SGCD: variants seen among roughly 807,000 people sequenced by gnomAD.
SGCD encodes the protein delta-sarcoglycan.
In SGCD, 18 loss-of-function variants were observed where a neutral mutation model predicts 36.6. The ratio of observed to expected loss-of-function variants is 0.49; its 90% CI spans 0.34 to 0.73. The LOEUF (loss-of-function observed/expected upper bound fraction) is 0.73. SGCD is among the 30% of genes least tolerant of loss of function. The pLI, the probability that SGCD is intolerant of heterozygous loss-of-function variation, is 0.01. For synonymous variants in SGCD, 133 were observed against 130.6 expected (o/e 1.02, Z -0.12); for missense variants, 387 against 346.7 (o/e 1.12, Z -0.92).
At chr5:156,483,127 G>C (rs1390520273) in intron 3 of SGCD, among the ~76,000 whole-genome samples, 1 of 152,110 alleles carries the variant, frequency 6.6e-6, no homozygotes, top group East Asian at 1.9e-4. Flanking sequence ...AGAGAGCCTG[G>C]AGAAGAGCCT....
intron 1 of SGCD, among the ~76,000 whole-genome samples, chr5:155,933,482 T>C (rs546910732): frequency 3.9e-5 from 6 of 152,332 alleles, no homozygotes; most frequent in African/African-American, 1.4e-4. Context: ...TTCTTCACCA[T>C]TTCTACAGCT....
intron 6 of SGCD, among the ~76,000 whole-genome samples, chr5:156,619,152 A>G (rs896222530): frequency 3.6e-4 from 55 of 151,840 alleles, no homozygotes; most frequent in Non-Finnish European, 5.4e-4. Context: ...CAGCCTCCAG[A>G]GTAGCTGGGA....
At chr5:156,456,944 A>G (rs1754289429) in intron 3 of SGCD, among the ~76,000 whole-genome samples, 1 of 152,230 alleles carries the variant, frequency 6.6e-6, no homozygotes, top group Non-Finnish European at 1.5e-5. Flanking sequence ...GTAGTAAAAA[A>G]ATCACATTAA....
At position 156,185,305 on chromosome 5, in the gene SGCD, C is replaced by T. The variant is rs548763247; in HGVS notation, c.-44+61286C>T. 1.3e-3 allele frequency among the ~76,000 whole-genome samples: 191 copies of T among 151,028 alleles called. 1 individual carries two copies. The highest frequency in any genetic ancestry group is 4.3e-3 in the African/African-American group (175 of 41,170). ...TCTCGGCTCACTGTAAGCTCCGCCT[C>T]CCGGGTTCACACCATTCTCCTGTCT... is the stretch of plus-strand genomic sequence containing the variant. On this transcript the variant is annotated intron_variant, in intron 3 of 9. Transcript: ENST00000517913.
chr5:156,033,082 T>C (rs149577750), intron 1 of SGCD, among the ~76,000 whole-genome samples: 20 of 150,506 alleles, frequency 1.3e-4, no homozygotes, highest in Non-Finnish European at 2.4e-4. Context: ...GTCTCAAAAA[T>C]AATAAAATTA....
chr5:156,493,069 G>T (rs1756018293), intron 3 of SGCD, among the ~76,000 whole-genome samples: 1 of 152,058 alleles, frequency 6.6e-6, no homozygotes, highest in Non-Finnish European at 1.5e-5. Flanking sequence ...AATCCTTTGG[G>T]TATATACCCA....
chr5:156,733,994 T>G (rs1253341159), intron 7 of SGCD, among the ~76,000 whole-genome samples: 2 of 152,090 alleles, frequency 1.3e-5, no homozygotes, highest in Non-Finnish European at 2.9e-5. Context: ...GGAGACTTTA[T>G]GTGGTTGCTT....
At chr5:156,193,694 T>C (rs1293938738) in intron 3 of SGCD, among the ~76,000 whole-genome samples, 2 of 152,188 alleles carry the variant, frequency 1.3e-5, no homozygotes, top group East Asian at 1.9e-4. Context: ...AGTGGAGATC[T>C]AGCCACCCAC....
At chr5:155,981,161 A>AT (rs142329176) in intron 1 of SGCD, among the ~76,000 whole-genome samples, 2,927 of 152,270 alleles carry the variant, frequency 0.019, 102 homozygotes, top group African/African-American at 0.066. Context: ...AGGTGAGGAC[A>AT]TTAGAAGAGC....
At chr5:156,007,329 G>A (rs1046902956) in intron 1 of SGCD, among the ~76,000 whole-genome samples, 1 of 152,082 alleles carries the variant, frequency 6.6e-6, no homozygotes, top group African/African-American at 2.4e-5. Flanking sequence ...CTTTAACAAG[G>A]TAAGATCTCT....
At chr5:156,451,314 C>G (rs932247047) in intron 3 of SGCD, among the ~76,000 whole-genome samples, 2 of 151,968 alleles carry the variant, frequency 1.3e-5, no homozygotes. Flanking sequence ...ACAGTCATAC[C>G]CAAAGGACCT....
chr5:156,424,469 C>T (rs1488782363), intron 3 of SGCD, among the ~76,000 whole-genome samples: 2 of 152,058 alleles, frequency 1.3e-5, no homozygotes, highest in Admixed American at 6.6e-5. Context: ...GCGTTGTGCA[C>T]ACATCTCTGT....
At chr5:156,323,346 GA>G (rs1466959232), upstream of SGCD, among the ~76,000 whole-genome samples, 17 of 152,110 alleles carry the variant, frequency 1.1e-4, no homozygotes, top group Non-Finnish European at 2.5e-4. Flanking sequence ...ATATTCCCAG[GA>G]AAAAAGCCAA....
chr5:156,596,962 A>C (rs759491164), intron 6 of SGCD, among the ~76,000 whole-genome samples: 4 of 152,086 alleles, frequency 2.6e-5, no homozygotes, highest in Non-Finnish European at 5.9e-5. Flanking sequence ...CCTGGCCATC[A>C]TGAGCTCAGC....
intron 3 of SGCD, among the ~76,000 whole-genome samples, chr5:156,183,647 A>G (rs1459800621): frequency 6.6e-6 from 1 of 152,172 alleles, no homozygotes; most frequent in African/African-American, 2.4e-5. Flanking sequence ...GCCTCAAGTG[A>G]TCTGCCCACC....
chr5:156,592,457 A>G (rs888918971), intron 5 of SGCD, among the ~76,000 whole-genome samples: 5 of 152,122 alleles, frequency 3.3e-5, no homozygotes, highest in African/African-American at 1.2e-4. Context: ...CTGAAGCCAA[A>G]TCCCTCATTG....
chr5:155,738,904 AGTAT>A, the SGCD span, among the ~76,000 whole-genome samples: 2 of 148,882 alleles, frequency 1.3e-5, no homozygotes, highest in Non-Finnish European at 3.0e-5. Flanking sequence ...TGTGTGAGAG[AGTAT>A]GTGAGAGTGT....
At chr5:156,558,088 A>AATATATATCTATATATATAT (rs1759107361) in intron 4 of SGCD, among the ~76,000 whole-genome samples, 1 of 95,592 alleles carries the variant, frequency 1.0e-5, no homozygotes, top group African/African-American at 4.0e-5. Flanking sequence ...AGTAAATACA[A>AATATATATCTATATATATAT]ATATATATAT....
chr5:155,760,027 A>C, the SGCD span, among the ~76,000 whole-genome samples: 8 of 154 alleles, frequency 0.052, no homozygotes, highest in South Asian at 0.25. Flanking sequence ...CCATCATCAT[A>C]ATAAATTTGA....
Sources: allele counts gnomAD v4.1 joint callset (sites outside exome capture counted in the v4.1 genomes callset), GRCh38; gene constraint gnomAD v4.1.1; transcripts MANE v1.5; gene names NCBI Gene and HGNC (gene_info 2026-07-23, HGNC 2026-07-21).